The following CCSER1 variants were observed in gnomAD, a reference collection of about 807,000 sequenced individuals.
CCSER1 encodes the protein coiled-coil serine rich protein 1, also known as serine-rich coiled-coil domain-containing protein 1.
A neutral mutation model predicts 82.0 loss-of-function variants in CCSER1; 41 were observed. The ratio of observed to expected loss-of-function variants is 0.50; its 90% CI spans 0.39 to 0.65. The LOEUF is 0.65. Among genes scored for constraint, CCSER1 ranks in the 30% least tolerant of loss-of-function variants. CCSER1 has a pLI of 0.00. For synonymous variants in CCSER1, 414 were observed against 383.9 expected (o/e 1.08, Z -0.92); for missense variants, 1,119 against 1,064.2 (o/e 1.05, Z -0.72).
At chr4:91,428,387 T>G (rs1271037020) in intron 10 of CCSER1, among the ~76,000 whole-genome samples, 1 of 152,084 alleles carries the variant, frequency 6.6e-6, no homozygotes, top group South Asian at 2.1e-4. Flanking sequence ...GCAGTGGACA[T>G]GTGAACAAAT....
intron 9 of CCSER1, among the ~76,000 whole-genome samples, chr4:90,928,414 C>T (rs1729328747): frequency 6.6e-6 from 1 of 152,024 alleles, no homozygotes; most frequent in Non-Finnish European, 1.5e-5. Context: ...ATGACTAAGT[C>T]CCCTCTAGCA....
chr4:90,509,678 A>G (rs114615014), intron 5 of CCSER1, among the ~76,000 whole-genome samples: 2,210 of 152,116 alleles, frequency 0.015, 32 homozygotes, highest in African/African-American at 0.043. Flanking sequence ...TTATTATCAC[A>G]ATTATTTCCT....
At chr4:90,634,071 A>AAAAAAT (rs1724981040) in intron 6 of CCSER1, among the ~76,000 whole-genome samples, 1 of 151,688 alleles carries the variant, frequency 6.6e-6, no homozygotes, top group Non-Finnish European at 1.5e-5. Flanking sequence ...AAATTTTATG[A>AAAAAAT]TCTATAAAAG....
intron 7 of CCSER1, among the ~76,000 whole-genome samples, chr4:90,729,281 G>T (rs1561029165): frequency 6.6e-6 from 1 of 152,102 alleles, no homozygotes; most frequent in Non-Finnish European, 1.5e-5. Context: ...CAGAAATTTT[G>T]CCACTGAACT....
In CCSER1 at chr4:91,466,901, A is replaced by G. The variant is rs188415013; in HGVS notation, c.2218-131671A>G. Among the ~76,000 whole-genome samples, 27 of 152,356 alleles carry G rather than the reference A, an allele frequency of 1.8e-4. No individual in the cohort carries two copies. In the East Asian group the frequency reaches 5.2e-3, roughly 29 times the overall value. ...CATTCCATGCTCATGGAGAGGAGGA[A>G]TCAATATCATGAAAATGGCCATACT... On this transcript the variant is annotated intron_variant, in intron 10 of 10. Transcript: ENST00000509176.
chr4:90,767,868 G>C (rs1179229552), intron 7 of CCSER1, among the ~76,000 whole-genome samples: 1 of 149,042 alleles, frequency 6.7e-6, no homozygotes, highest in Admixed American at 6.7e-5. Context: ...GCCCAGGCTG[G>C]TGTCGAACTT....
chr4:91,454,244 T>A (rs1756021420), intron 10 of CCSER1, among the ~76,000 whole-genome samples: 1 of 152,052 alleles, frequency 6.6e-6, no homozygotes, highest in Non-Finnish European at 1.5e-5. Context: ...AAAATCAGTA[T>A]GACTGCAGGG....
chr4:90,564,583 C>T (rs2153649807), intron 5 of CCSER1, among the ~76,000 whole-genome samples: 1 of 152,174 alleles, frequency 6.6e-6, no homozygotes, highest in South Asian at 2.1e-4. Context: ...GAGGTCATAT[C>T]CAAAGAGCCA....
intron 1 of CCSER1, among the ~76,000 whole-genome samples, chr4:90,158,289 G>A (rs990894491): frequency 1.3e-5 from 2 of 151,634 alleles, no homozygotes; most frequent in African/African-American, 4.9e-5. Flanking sequence ...ACCCCTACTG[G>A]GGGGTGCCTC....
intron 10 of CCSER1, among the ~76,000 whole-genome samples, chr4:91,463,135 G>A (rs1756612847): frequency 6.6e-6 from 1 of 152,100 alleles, no homozygotes; most frequent in African/African-American, 2.4e-5. Context: ...CTCCCCACAT[G>A]GCCAAGTAAC....
chr4:90,148,097 G>A (rs1232159155), intron 1 of CCSER1, among the ~76,000 whole-genome samples: 2 of 152,140 alleles, frequency 1.3e-5, no homozygotes, highest in Admixed American at 1.3e-4. Flanking sequence ...CCTGGGAGGT[G>A]GAGGTTGCAG....
At chr4:90,633,246 A>C (rs1273436957) in intron 6 of CCSER1, among the ~76,000 whole-genome samples, 5 of 152,128 alleles carry the variant, frequency 3.3e-5, no homozygotes, top group African/African-American at 4.8e-5. Context: ...TGTTGGCAGA[A>C]AACAAATGAT....
intron 6 of CCSER1, among the ~76,000 whole-genome samples, chr4:90,695,929 CAA>C (rs1736919291): frequency 6.6e-6 from 1 of 151,754 alleles, no homozygotes; most frequent in African/African-American, 2.4e-5. Context: ...GGTAACAAAA[CAA>C]TAAATAAATT....
At chr4:90,763,067 C>T (rs1420999797) in intron 7 of CCSER1, among the ~76,000 whole-genome samples, 1 of 152,002 alleles carries the variant, frequency 6.6e-6, no homozygotes, top group Non-Finnish European at 1.5e-5. Flanking sequence ...GAAGAGATGG[C>T]TTACACCAAG....
intron 10 of CCSER1, among the ~76,000 whole-genome samples, chr4:91,391,394 G>A (rs1169560609): frequency 6.6e-6 from 1 of 152,074 alleles, no homozygotes; most frequent in East Asian, 1.9e-4. Context: ...TCTACCTCCT[G>A]GGCTCAAGTG....
At chr4:91,348,440 C>T (rs1332300482) in intron 10 of CCSER1, among the ~76,000 whole-genome samples, 2 of 151,948 alleles carry the variant, frequency 1.3e-5, no homozygotes, top group Non-Finnish European at 2.9e-5. Flanking sequence ...ATGTTTTTGT[C>T]TTGTAACTGA....
At chr4:91,223,286 A>C (rs1737894014) in intron 10 of CCSER1, among the ~76,000 whole-genome samples, 1 of 152,160 alleles carries the variant, frequency 6.6e-6, no homozygotes, top group African/African-American at 2.4e-5. Context: ...TTTTGAAGAC[A>C]TGTCTGAAAA....
intron 10 of CCSER1, among the ~76,000 whole-genome samples, chr4:91,286,787 A>G (rs1479750243): frequency 6.6e-6 from 1 of 151,912 alleles, no homozygotes; most frequent in African/African-American, 2.4e-5. Context: ...AGAAAAAAAT[A>G]GTAAACATCA....
intron 10 of CCSER1, among the ~76,000 whole-genome samples, chr4:91,334,911 G>T (rs1263448964): frequency 1.3e-5 from 2 of 151,738 alleles, no homozygotes; most frequent in African/African-American, 4.8e-5. Flanking sequence ...AACATGGGCT[G>T]GGATTTAAGA....
Sources: allele counts gnomAD v4.1 joint callset (sites outside exome capture counted in the v4.1 genomes callset), GRCh38; gene constraint gnomAD v4.1.1; transcripts MANE v1.5; gene names NCBI Gene and HGNC (gene_info 2026-07-23, HGNC 2026-07-21).